The following CFAP74 variants were observed in gnomAD, a reference collection of about 807,000 sequenced individuals.
CFAP74 encodes cilia- and flagella-associated protein 74.
In CFAP74, 124 loss-of-function variants were observed where a neutral mutation model predicts 188.9. The observed-to-expected ratio is 0.66, with a 90% confidence interval of 0.57 to 0.76. The LOEUF (loss-of-function observed/expected upper bound fraction) is 0.76. Ranked by LOEUF, CFAP74 falls within the 30% of genes least tolerant of loss-of-function variation. The pLI is 0.00. For synonymous variants in CFAP74, 956 were observed against 916.7 expected, an observed-to-expected ratio of 1.04 and a Z score of -0.77; for missense variants, 2,198 against 2,165.2, an observed-to-expected ratio of 1.02 and a Z score of -0.30.
Position 1,971,983 on chromosome 1 carries a change from G to T in CFAP74, c.885C>A (p.Asn295Lys). The T allele has an allele frequency of 6.2e-7, 1 of 1,608,708 alleles. No individual in the cohort carries two copies. Among genetic ancestry groups the T allele is most frequent in the Non-Finnish European group, 8.5e-7 (1 of 1,179,480 alleles). The change falls in exon 9 of 39, where the codon AAC (asparagine) becomes AAA (lysine). Residue 295 changes from asparagine to lysine, a missense_variant. Asn to Lys is a moderately conservative substitution (Grantham distance 94). Transcript: ENST00000682832. ...VVALKGSISA[N>K]RDTLRKFQAW... is the part of the protein sequence containing the mutation. ...GGGTGGGGCTGCGGGGGCCTACCCG[G>T]TTCGCGGAGATGCTGCCCTTCAGCG... is the stretch of plus-strand genomic sequence containing the variant.
At chr1:1,955,193 T>C (rs559887738) in intron 18 of CFAP74, 5 of 1,288,004 alleles carry the variant, frequency 3.9e-6, no homozygotes, top group Admixed American at 2.3e-5. Flanking sequence ...TGGATCTCGA[T>C]GCGTATGTGG....
chr1:1,989,114 G>A (rs1325447387), intron 2 of CFAP74, 141 bp from the exon 3 acceptor site: 3 of 462,590 alleles, frequency 6.5e-6, no homozygotes, highest in Non-Finnish European at 1.2e-5. Flanking sequence ...CACAGGCAGA[G>A]GTAAACAGCC....
At chr1:1,944,001 G>A (rs1204014978) in intron 21 of CFAP74, among the ~76,000 whole-genome samples, 7 of 152,088 alleles carry the variant, frequency 4.6e-5, no homozygotes, top group African/African-American at 7.2e-5. Context: ...TCCCTGTGAC[G>A]CCTCCCGTGA....
intron 16 of CFAP74, among the ~76,000 whole-genome samples, chr1:1,957,212 C>T (rs1349119675): frequency 2.0e-5 from 3 of 152,200 alleles, no homozygotes; most frequent in East Asian, 1.9e-4. Context: ...TCACCATGCC[C>T]GCTGTGGGCC....
intron 11 of CFAP74, among the ~76,000 whole-genome samples, chr1:1,967,390 A>C (rs1432117415): frequency 7.1e-6 from 1 of 140,480 alleles, no homozygotes; most frequent in Non-Finnish European, 1.5e-5. Flanking sequence ...TGTGACCTGT[A>C]TAGTGCCACA....
intron 10 of CFAP74, 53 bp downstream of exon 10, chr1:1,970,606 C>A (rs1311688053): frequency 1.9e-6 from 3 of 1,552,742 alleles, no homozygotes; most frequent in Non-Finnish European, 2.6e-6. Flanking sequence ...GCTCTCCCTG[C>A]ACCCACTGAC....
At chr1:1,993,926 G>A (rs887782585) in intron 1 of CFAP74, among the ~76,000 whole-genome samples, 11 of 150,010 alleles carry the variant, frequency 7.3e-5, no homozygotes, top group East Asian at 2.0e-4. Flanking sequence ...AGCTTGCAGT[G>A]AGCCGAGATC....
intron 6 of CFAP74, 39 bp from the exon 7 acceptor site, chr1:1,974,237 C>T: frequency 3.9e-6 from 6 of 1,550,648 alleles, no homozygotes; most frequent in African/African-American, 1.4e-5. Flanking sequence ...ACGGGCCCCA[C>T]AGTCATCCTG....
intron 11 of CFAP74, among the ~76,000 whole-genome samples, chr1:1,966,777 A>G (rs1317374444): frequency 6.6e-6 from 1 of 152,134 alleles, no homozygotes; most frequent in East Asian, 1.9e-4. Context: ...TTGATAGGAA[A>G]ATGTTCTAAT....
chr1:1,971,187 A>G (rs1189091866), intron 9 of CFAP74, among the ~76,000 whole-genome samples: 1 of 150,778 alleles, frequency 6.6e-6, no homozygotes, highest in Non-Finnish European at 1.5e-5. Flanking sequence ...ACACACGTGC[A>G]CAGACGTGCT....
chr1:1,974,276 C>A, intron 6 of CFAP74, 78 bp from the exon 7 acceptor site: 2 of 1,424,422 alleles, frequency 1.4e-6, no homozygotes, highest in Non-Finnish European at 1.9e-6. Context: ...TGAGTTCTGA[C>A]AAATCCTCCA....
In CFAP74 at chr1:1,991,516, T is replaced by TGG. The variant is rs1249854436; in HGVS notation, c.-19-542_-19-541insCC. Among the ~76,000 whole-genome samples, 6 of 151,264 alleles carry TGG rather than the reference T, an allele frequency of 4.0e-5. No homozygotes were observed. In the East Asian group the frequency reaches 5.9e-4, roughly 15 times the overall value. ...TACTCAGGAGGCTGAGGCAGGAGAATTGCTTGAACCCGGGAGGCAGAGGTT... is the reference window on the plus strand; with the variant it reads ...TACTCAGGAGGCTGAGGCAGGAGAATGGTGCTTGAACCCGGGAGGCAGAGGTT... On this transcript the variant is annotated intron_variant, in intron 1 of 38. Coordinates refer to ENST00000682832, the MANE Select transcript of CFAP74 (RefSeq NM_001304360.2).
At position 1,942,295 on chromosome 1, in the gene CFAP74, C is replaced by A. The variant is rs761695669; in HGVS notation, c.2487-139G>T. The A allele has an allele frequency of 2.6e-6, 2 of 759,400 alleles. No homozygotes were observed. Among genetic ancestry groups the A allele is most frequent in the Non-Finnish European group, 3.8e-6 (2 of 522,974 alleles). The allele number at this position is 759,400 out of a possible 1,614,324, so 47.0% of individuals were successfully genotyped here. ...GAGCCCACCCACTCCAAGCCATGCA[C>A]GTGCACCTCGACAATCGGAGTCCTC... On this transcript the variant is annotated intron_variant, in intron 21 of 38. Coordinates refer to ENST00000682832, the MANE Select transcript of CFAP74 (RefSeq NM_001304360.2). This position sits in a 1 kb window ranked among gnomAD's most constrained non-coding sequence, Gnocchi z 4.3.
At chr1:1,929,755 C>G (rs1012277582) in intron 26 of CFAP74, among the ~76,000 whole-genome samples, 1 of 151,908 alleles carries the variant, frequency 6.6e-6, no homozygotes, top group African/African-American at 2.4e-5. Flanking sequence ...CTTCCCCAGT[C>G]TCAACCTGGG....
In CFAP74 at chr1:1,978,831, G is replaced by A. The variant is rs117121495; in HGVS notation, c.501-4633C>T. Reference sequence around the variant, plus strand: ...AGTCAGGGAAGCCTCAGAGCAGGCCGGGACACAGCACCAGCGCCCTGCCGT... The same window carrying A: ...AGTCAGGGAAGCCTCAGAGCAGGCCAGGACACAGCACCAGCGCCCTGCCGT... On this transcript the variant is annotated intron_variant, in intron 6 of 38. Coordinates refer to ENST00000682832, the MANE Select transcript of CFAP74 (RefSeq NM_001304360.2). Among the ~76,000 whole-genome samples, 731 of 152,352 alleles carry A rather than the reference G, an allele frequency of 4.8e-3. 21 individuals are homozygous for A. The East Asian group carries it at 0.085, about 18-fold the overall frequency.
rs1410637719 is a variant in CFAP74, at chr1:1,968,660, G to A, written c.1220C>T (p.Thr407Ile). Reference protein sequence around the residue: ...NYISDFCKKTTVPTNTYTLDY... With the variant: ...NYISDFCKKTIVPTNTYTLDY... ...CAGTGTGTACGTGTTGGTTGGGACT[G>A]TGGTCTTCTTGCAAAAGTCAGAAAT... The change falls in exon 11 of 39, where the codon ACA becomes ATA. Residue 407 changes from threonine to isoleucine, a missense_variant. Thr to Ile is a moderately conservative substitution (Grantham distance 89). Transcript: ENST00000682832. This position sits in a 1 kb window ranked among gnomAD's most constrained non-coding sequence, Gnocchi z 4.3. 2 of 1,604,958 alleles carry A rather than the reference G, an allele frequency of 1.2e-6. No homozygotes were observed. Among genetic ancestry groups the A allele is most frequent in the African/African-American group, 1.4e-5 (1 of 73,264 alleles).
In CFAP74 at chr1:1,922,056, C is replaced by T. The variant is rs1016532052; in HGVS notation, c.*231G>A. ...CTAGGATGGCTGAGGGCTGGCCTGGCCTTCTCGCTGCTTCTGAGTCTGGGG... is the reference window on the plus strand; with the variant it reads ...CTAGGATGGCTGAGGGCTGGCCTGGTCTTCTCGCTGCTTCTGAGTCTGGGG... On this transcript the variant is annotated 3_prime_UTR_variant, in exon 39 of 39. Transcript: ENST00000682832. 7.4e-6 allele frequency: 4 copies of T among 537,902 alleles called. No homozygotes were observed. In the African/African-American group the frequency reaches 7.8e-5, roughly 10 times the overall value. The allele number at this position is 537,902 out of a possible 1,614,324, so 33.3% of individuals were successfully genotyped here. A position where few individuals can be genotyped will look rare whatever the true frequency, so the allele number is the denominator to read the frequency against.
At position 1,972,984 on chromosome 1, in the gene CFAP74, C is replaced by T. The variant is rs1656196224; in HGVS notation, c.738G>A (p.Arg246=). The change falls in exon 8 of 39, where the codon CGG becomes CGA. Residue 246 remains arginine (R), a synonymous_variant. Transcript: ENST00000682832. ...LRHQKLLEDA[R]KNHKVAVRFL... is the part of the protein sequence containing the mutation. ...ACCGCACGGCAACCTTGTGGTTCTT[C>T]CGGGCGTCCTCCAGCAGCTTCTGGT... 3 of 1,614,016 alleles carry T rather than the reference C, an allele frequency of 1.9e-6. No individual in the cohort carries two copies. In the African/African-American group the frequency reaches 4.0e-5, roughly 22 times the overall value.
In CFAP74 at chr1:1,974,206, C is replaced by T. The variant is rs756054065; in HGVS notation, c.501-8G>A. On this transcript the variant is annotated splice_region_variant and splice_polypyrimidine_tract_variant and intron_variant, in intron 6 of 38. Coordinates refer to ENST00000682832, the MANE Select transcript of CFAP74 (RefSeq NM_001304360.2). ...ATGTGCCACATGGTGTTCCTTCAAA[C>T]AAGAGGCAAAGCAGCTGGAGACGGG... 1 of 1,584,396 alleles carries T rather than the reference C, an allele frequency of 6.3e-7. No homozygotes were observed. Among genetic ancestry groups the T allele is most frequent in the Non-Finnish European group, 8.6e-7 (1 of 1,161,098 alleles).
Sources: gnomAD v4.1 joint callset for allele counts (sites outside exome capture counted in the v4.1 genomes callset) on GRCh38, gnomAD v4.1.1 for gene constraint, Gnocchi (gnomAD v3.1) non-coding constraint, MANE v1.5 for transcripts, NCBI Gene and HGNC (gene_info 2026-07-23, HGNC 2026-07-21) for gene names.